Variants in FOXP2 observed in about 807,000 individuals in gnomAD.
FOXP2 encodes the protein forkhead box P2.
In FOXP2, 12 loss-of-function variants were observed where a neutral mutation model predicts 115.8. That is an observed-to-expected ratio of 0.10 (90% CI 0.07 to 0.17). The LOEUF (loss-of-function observed/expected upper bound fraction) is 0.17. Among genes scored for constraint, FOXP2 ranks in the 10% least tolerant of loss-of-function variants. The pLI is 1.00. For missense variants in FOXP2, 629 were observed against 843.5 expected, an observed-to-expected ratio of 0.75 and a Z score of 3.15; for synonymous variants, 328 against 297.7, an observed-to-expected ratio of 1.10 and a Z score of -1.05.
chr7:114,676,499 C>G (rs978065675), intron 16 of FOXP2, among the ~76,000 whole-genome samples: 4 of 152,052 alleles, frequency 2.6e-5, no homozygotes, highest in Non-Finnish European at 4.4e-5. Flanking sequence ...AAAATTGAAG[C>G]ATCAGAGTCC....
chr7:114,648,565 C>T (rs1354929141), intron 8 of FOXP2, among the ~76,000 whole-genome samples: 1 of 152,078 alleles, frequency 6.6e-6, no homozygotes, highest in Non-Finnish European at 1.5e-5. Context: ...TTACCACTTA[C>T]ATTCATAATC....
chr7:114,430,774 T>C (rs1374981900), intron 2 of FOXP2, among the ~76,000 whole-genome samples: 3 of 151,910 alleles, frequency 2.0e-5, no homozygotes, highest in Admixed American at 2.0e-4. Context: ...AGAATGTTTC[T>C]CTGATGCCAA....
At chr7:114,372,265 C>G (rs1257946732) in intron 2 of FOXP2, among the ~76,000 whole-genome samples, 1 of 152,032 alleles carries the variant, frequency 6.6e-6, no homozygotes, top group Admixed American at 6.5e-5. Flanking sequence ...TTAAAAAAAA[C>G]TGTTTGAAAG....
intron 2 of FOXP2, among the ~76,000 whole-genome samples, chr7:114,523,391 T>C (rs1798714102): frequency 6.6e-6 from 1 of 152,166 alleles, no homozygotes; most frequent in Non-Finnish European, 1.5e-5. Flanking sequence ...TCTTCTCAAA[T>C]GGTTTTTCCC....
chr7:114,392,088 C>T (rs1792617608), intron 2 of FOXP2, among the ~76,000 whole-genome samples: 1 of 152,164 alleles, frequency 6.6e-6, no homozygotes, highest in Admixed American at 6.5e-5. Context: ...GTGCCTGAAT[C>T]TCACAATGCC....
At chr7:114,412,245 G>T (rs892884396), upstream of FOXP2, among the ~76,000 whole-genome samples, 1 of 152,014 alleles carries the variant, frequency 6.6e-6, no homozygotes, top group Non-Finnish European at 1.5e-5. Context: ...TCCTGATCAC[G>T]TACCTGCCAT....
At chr7:114,272,088 T>A (rs866200683) in intron 1 of FOXP2, among the ~76,000 whole-genome samples, 3 of 144,646 alleles carry the variant, frequency 2.1e-5, no homozygotes, top group Middle Eastern at 3.3e-3. Flanking sequence ...ATAATATATA[T>A]ATTTAAATCA....
chr7:114,553,639 T>C (rs902441298), intron 3 of FOXP2, among the ~76,000 whole-genome samples: 1 of 152,144 alleles, frequency 6.6e-6, no homozygotes, highest in African/African-American at 2.4e-5. Context: ...TCTAGCTGAA[T>C]AATTTAAGTA....
rs79989239 is a variant in FOXP2 at position 114,089,477 on chromosome 7, A to G, written c.-247+1639A>G. ...CATATATTAATTATGAACTATTTAT[A>G]ATGTTAGGAATTGCCTGACTCATAT... On this transcript the variant is annotated intron_variant, in intron 1 of 19. Coordinates refer to the FOXP2 transcript ENST00000635638. 3.8e-3 allele frequency among the ~76,000 whole-genome samples: 576 copies of G among 152,154 alleles called. 10 individuals carry two copies. The East Asian group carries it at 0.058, about 15-fold the overall frequency.
chr7:114,384,255 T>G (rs1443038933), intron 2 of FOXP2, among the ~76,000 whole-genome samples: 1 of 152,202 alleles, frequency 6.6e-6, no homozygotes, highest in East Asian at 1.9e-4. Flanking sequence ...GTCCTAGAGC[T>G]GGGCTGGGTT....
At chr7:114,443,261 T>A (rs533591955) in intron 2 of FOXP2, among the ~76,000 whole-genome samples, 1 of 152,328 alleles carries the variant, frequency 6.6e-6, no homozygotes, top group Non-Finnish European at 1.5e-5. Context: ...TAGTAAAGAA[T>A]AAAATTAATT....
Position 114,626,517 on chromosome 7 carries a change from T to A in FOXP2, c.259-2023T>A, listed in dbSNP as rs1157400172. On this transcript the variant is annotated intron_variant, in intron 3 of 16. Transcript: ENST00000350908. ...GACAAGCTTCTTATCTATGATTAACTTTATAGAAGGCATATCTCTCTCTCT... is the reference window on the plus strand; with the variant it reads ...GACAAGCTTCTTATCTATGATTAACATTATAGAAGGCATATCTCTCTCTCT... 3.3e-5 allele frequency among the ~76,000 whole-genome samples: 5 copies of A among 150,208 alleles called. No homozygotes were observed. In the East Asian group the frequency reaches 9.6e-4, roughly 29 times the overall value.
At chr7:114,352,708 C>A (rs1301452716) in intron 2 of FOXP2, among the ~76,000 whole-genome samples, 4 of 152,014 alleles carry the variant, frequency 2.6e-5, no homozygotes, top group Non-Finnish European at 4.4e-5. Context: ...CTAATGACCT[C>A]ATTTTAACTT....
intron 13 of FOXP2, 148 bp from the exon 14 acceptor site, chr7:114,661,917 T>A: frequency 1.0e-6 from 1 of 968,968 alleles, no homozygotes; most frequent in Non-Finnish European, 1.5e-6. Context: ...GTTTGAGGTT[T>A]GTAATATCAT....
At chr7:114,195,689 C>T (rs941061124) in intron 1 of FOXP2, among the ~76,000 whole-genome samples, 12 of 151,886 alleles carry the variant, frequency 7.9e-5, no homozygotes, top group Admixed American at 2.6e-4. Flanking sequence ...TATTTCCCTT[C>T]TTATGGTTAT....
At chr7:114,263,487 T>C (rs533890914) in intron 1 of FOXP2, among the ~76,000 whole-genome samples, 1 of 151,308 alleles carries the variant, frequency 6.6e-6, no homozygotes, top group East Asian at 2.0e-4. Flanking sequence ...CGGGTGTTGC[T>C]GCGTTTCCCA....
chr7:114,626,875 A>G (rs528811854), intron 3 of FOXP2, among the ~76,000 whole-genome samples: 1 of 151,942 alleles, frequency 6.6e-6, no homozygotes, highest in African/African-American at 2.4e-5. Context: ...TACAATATAC[A>G]TTTCAGAATG....
At chr7:114,440,205 C>A (rs1225700372) in intron 2 of FOXP2, among the ~76,000 whole-genome samples, 5 of 152,168 alleles carry the variant, frequency 3.3e-5, no homozygotes, top group Non-Finnish European at 7.4e-5. Flanking sequence ...AAGACAGACT[C>A]AAGCTTCTGA....
At chr7:114,308,209 A>T (rs2129179554) in intron 2 of FOXP2, among the ~76,000 whole-genome samples, 1 of 152,292 alleles carries the variant, frequency 6.6e-6, no homozygotes, top group East Asian at 1.9e-4. Context: ...TTTTGTACAA[A>T]ATAGAAACCT....
Sources: allele counts gnomAD v4.1 joint callset (sites outside exome capture counted in the v4.1 genomes callset), GRCh38; gene constraint gnomAD v4.1.1; transcripts MANE v1.5; gene names NCBI Gene and HGNC (gene_info 2026-07-23, HGNC 2026-07-21).